The following TMCC3 variants were observed in gnomAD, a reference collection of about 807,000 sequenced individuals.
The protein encoded by TMCC3 is transmembrane and coiled-coil domain family 3.
A neutral mutation model predicts 40.2 loss-of-function variants in TMCC3; 28 were observed. That is an observed-to-expected ratio of 0.70 (90% CI 0.52 to 0.95). The LOEUF (loss-of-function observed/expected upper bound fraction) is 0.95. Ranked by LOEUF, TMCC3 falls within the 40% of genes least tolerant of loss-of-function variation. The probability of loss-of-function intolerance (pLI) is 0.00; values close to 1 mark genes in which losing one functional copy is unlikely to be tolerated. For missense variants in TMCC3, 554 were observed against 615.2 expected (o/e 0.90, Z 1.05); for synonymous variants, 255 against 248.5 (o/e 1.03, Z -0.25).
intron 1 of TMCC3, among the ~76,000 whole-genome samples, chr12:94,642,624 G>C (rs537564327): frequency 9.9e-4 from 151 of 152,324 alleles, no homozygotes; most frequent in African/African-American, 3.6e-3. Flanking sequence ...GAAAAGATCT[G>C]GTCTCTGGAG....
intron 3 of TMCC3, among the ~76,000 whole-genome samples, chr12:94,578,169 GAAAA>G (rs372442389): frequency 4.4e-5 from 4 of 91,242 alleles, no homozygotes; most frequent in Admixed American, 2.1e-4. Flanking sequence ...AAAAAAAAAA[GAAAA>G]AGAAAAAGAA....
At chr12:94,621,139 C>T (rs191035374) in intron 1 of TMCC3, among the ~76,000 whole-genome samples, 1 of 152,358 alleles carries the variant, frequency 6.6e-6, no homozygotes, top group Admixed American at 6.5e-5. Flanking sequence ...TTAGAAAACG[C>T]TGTGTTATCC....
chr12:94,578,570 A>G, intron 2 of TMCC3, 41 bp from the exon 3 acceptor site: 3 of 1,591,812 alleles, frequency 1.9e-6, no homozygotes, highest in Non-Finnish European at 2.6e-6. Context: ...GACCTTTCAC[A>G]GCACATTGTG....
intron 1 of TMCC3, among the ~76,000 whole-genome samples, chr12:94,628,690 G>A (rs527687489): frequency 3.9e-5 from 6 of 152,332 alleles, no homozygotes; most frequent in East Asian, 1.9e-4. Context: ...AAGGTACAAT[G>A]TCTGCCAGCT....
chr12:94,591,554 A>AGCC (rs1449267472), intron 1 of TMCC3, among the ~76,000 whole-genome samples: 2 of 152,072 alleles, frequency 1.3e-5, no homozygotes, highest in African/African-American at 4.8e-5. Flanking sequence ...TTTCGAAACC[A>AGCC]GCCTGGGCAA....
rs2068507128 is a variant in TMCC3 at position 94,568,309 on chromosome 12, A to G, written c.*3126T>C. ...GGGGGTGGGGTGTTCTGGTTTAATC[A>G]TATTCAGAGTTTGAGCTTGAAATAA... On this transcript the variant is annotated 3_prime_UTR_variant, in exon 4 of 4. Coordinates refer to ENST00000261226, the MANE Select transcript of TMCC3 (RefSeq NM_020698.4). 1 of 141,726 alleles carries G rather than the reference A, an allele frequency of 7.1e-6. No individual in the cohort carries two copies. The highest frequency in any genetic ancestry group is 7.3e-5 in the Admixed American group (1 of 13,650). 8.8% of individuals were successfully genotyped at this position (141,726 alleles called of 1,614,324 possible).
chr12:94,634,993 G>C (rs765460671), intron 1 of TMCC3, among the ~76,000 whole-genome samples: 3 of 152,112 alleles, frequency 2.0e-5, no homozygotes, highest in Non-Finnish European at 4.4e-5. Flanking sequence ...TTAGTTTCTG[G>C]GCACAGCCCA....
intron 1 of TMCC3, among the ~76,000 whole-genome samples, chr12:94,639,754 C>A (rs1594299976): frequency 1.3e-5 from 1 of 76,768 alleles, no homozygotes; most frequent in African/African-American, 5.3e-5. Flanking sequence ...AAGCCAAAAT[C>A]AAGAGGTAAG....
intron 1 of TMCC3, among the ~76,000 whole-genome samples, chr12:94,638,724 C>T (rs1188001214): frequency 6.6e-6 from 1 of 152,226 alleles, no homozygotes; most frequent in Admixed American, 6.5e-5. Flanking sequence ...AAATAGTACC[C>T]TGCTGACTAT....
chr12:94,605,175 C>G (rs569713612), intron 1 of TMCC3, among the ~76,000 whole-genome samples: 3 of 152,160 alleles, frequency 2.0e-5, no homozygotes, highest in African/African-American at 7.2e-5. Context: ...GGCTAGACAC[C>G]TGACCATGCA....
At chr12:94,603,166 C>T (rs1366462365) in intron 1 of TMCC3, among the ~76,000 whole-genome samples, 1 of 152,228 alleles carries the variant, frequency 6.6e-6, no homozygotes, top group African/African-American at 2.4e-5. Context: ...TTCACCGCAA[C>T]CTCTGCCTCC....
At chr12:94,633,412 T>C (rs959628106) in intron 1 of TMCC3, among the ~76,000 whole-genome samples, 1 of 152,202 alleles carries the variant, frequency 6.6e-6, no homozygotes. Context: ...TCATTAAATC[T>C]AGGAGGCAGA....
intron 1 of TMCC3, among the ~76,000 whole-genome samples, chr12:94,589,449 A>G (rs1216098215): frequency 6.6e-6 from 1 of 151,072 alleles, no homozygotes; most frequent in Non-Finnish European, 1.5e-5. Flanking sequence ...AACTCATTAC[A>G]CTGACCCTAC....
At chr12:94,571,872 G>A (rs759427518) in intron 3 of TMCC3, 135 bp from the exon 4 acceptor site, 21 of 767,420 alleles carry the variant, frequency 2.7e-5, no homozygotes, top group Non-Finnish European at 4.4e-5. Context: ...CCAAACCGAT[G>A]ATGATGGTGA....
At chr12:94,594,198 A>AATATATATATATAT (rs59083165) in intron 1 of TMCC3, among the ~76,000 whole-genome samples, 20 of 145,488 alleles carry the variant, frequency 1.4e-4, no homozygotes, top group African/African-American at 5.1e-4. Context: ...TTTAAATTTA[A>AATATATATATATAT]ATATATATAT....
chr12:94,650,204 C>G (rs2069047751), intron 1 of TMCC3, 149 bp downstream of exon 1: 1 of 370,602 alleles, frequency 2.7e-6, no homozygotes, highest in Non-Finnish European at 4.3e-6. Context: ...CCTTTTAGCT[C>G]GGAGGATCGG....
intron 1 of TMCC3, among the ~76,000 whole-genome samples, chr12:94,594,216 TAC>T (rs1354275604): frequency 0.034 from 2,671 of 78,036 alleles, 98 homozygotes; most frequent in African/African-American, 0.1. Context: ...TATATATATA[TAC>T]ACACACACAC....
At chr12:94,602,211 A>C (rs577182909) in intron 1 of TMCC3, among the ~76,000 whole-genome samples, 1 of 152,332 alleles carries the variant, frequency 6.6e-6, no homozygotes, top group South Asian at 2.1e-4. Flanking sequence ...TCTCCTTCAA[A>C]ATCCTTTCTA....
chr12:94,580,624 A>T (rs1351753917), intron 2 of TMCC3, among the ~76,000 whole-genome samples: 1 of 152,072 alleles, frequency 6.6e-6, no homozygotes, highest in Non-Finnish European at 1.5e-5. Context: ...AATCCCAGCT[A>T]CTCGGGAGGC....
Sources: allele counts gnomAD v4.1 joint callset (sites outside exome capture counted in the v4.1 genomes callset), GRCh38; gene constraint gnomAD v4.1.1; transcripts MANE v1.5; gene names NCBI Gene and HGNC (gene_info 2026-07-23, HGNC 2026-07-21).